Variants in RALGPS2 observed in about 807,000 individuals in gnomAD.
The protein encoded by RALGPS2 is ras-specific guanine nucleotide-releasing factor RalGPS2.
Under a neutral mutation model 86.8 loss-of-function variants are expected in RALGPS2, and 43 were observed. That is an observed-to-expected ratio of 0.50 (90% CI 0.39 to 0.64). RALGPS2 has a LOEUF of 0.64. Ranked by LOEUF, RALGPS2 falls within the 30% of genes least tolerant of loss-of-function variation. RALGPS2 has a pLI of 0.00. For synonymous variants in RALGPS2, 243 were observed against 231.3 expected (o/e 1.05, Z -0.46); for missense variants, 536 against 694.6 (o/e 0.77, Z 2.57).
At chr1:178,844,822 AAT>A (rs536017415) in intron 8 of RALGPS2, among the ~76,000 whole-genome samples, 234 of 152,296 alleles carry the variant, frequency 1.5e-3, no homozygotes, top group Non-Finnish European at 1.7e-3. Flanking sequence ...AATATTCTTT[AAT>A]GTGCTTTTTC....
chr1:178,746,859 G>A (rs1288329852), intron 1 of RALGPS2: 35 of 1,174,078 alleles, frequency 3.0e-5, no homozygotes, highest in African/African-American at 4.5e-5. Context: ...AGTCCTGTAC[G>A]TCAGTCACCT....
At chr1:178,742,554 A>G (rs1651095965) in intron 1 of RALGPS2, among the ~76,000 whole-genome samples, 1 of 152,242 alleles carries the variant, frequency 6.6e-6, no homozygotes, top group South Asian at 2.1e-4. Context: ...ACAAGCAGAC[A>G]GAAAATCATA....
At chr1:178,914,843 G>A (rs1322795657) in intron 19 of RALGPS2, among the ~76,000 whole-genome samples, 1 of 152,132 alleles carries the variant, frequency 6.6e-6, no homozygotes, top group Admixed American at 6.5e-5. Flanking sequence ...GTTAGTGTCT[G>A]GGGCAGAATG....
chr1:178,853,231 A>G, intron 8 of RALGPS2: 1 of 984,404 alleles, frequency 1.0e-6, no homozygotes, highest in Non-Finnish European at 1.2e-6. Context: ...ATTTATCCAT[A>G]GCTACTAAAA....
At chr1:178,810,547 A>G (rs761571929) in intron 5 of RALGPS2, among the ~76,000 whole-genome samples, 28 of 139,354 alleles carry the variant, frequency 2.0e-4, no homozygotes, top group Non-Finnish European at 3.7e-4. Context: ...TTTTTTTTTT[A>G]GGAGTAAACC....
intron 8 of RALGPS2, among the ~76,000 whole-genome samples, chr1:178,849,138 T>C (rs1657023860): frequency 6.6e-6 from 1 of 152,220 alleles, no homozygotes; most frequent in Non-Finnish European, 1.5e-5. Context: ...ATTCTTATTA[T>C]ACCCCATTTT....
intron 1 of RALGPS2, among the ~76,000 whole-genome samples, chr1:178,748,341 T>C (rs1275839790): frequency 6.6e-6 from 1 of 150,940 alleles, no homozygotes; most frequent in Non-Finnish European, 1.5e-5. Flanking sequence ...AAAAAGAAGT[T>C]AACGTACACC....
chr1:178,823,209 T>C (rs1266971106), intron 7 of RALGPS2, among the ~76,000 whole-genome samples: 1 of 152,238 alleles, frequency 6.6e-6, no homozygotes, highest in Non-Finnish European at 1.5e-5. Context: ...TTTCATTGCC[T>C]CCCTTATGTA....
intron 13 of RALGPS2, 129 bp from the exon 14 acceptor site, chr1:178,889,513 G>A (rs1019149919): frequency 1.5e-6 from 1 of 680,426 alleles, no homozygotes. Flanking sequence ...GAATTAATAT[G>A]TGGATATGTT....
chr1:178,750,503 T>A (rs1651591526), intron 1 of RALGPS2, among the ~76,000 whole-genome samples: 1 of 152,238 alleles, frequency 6.6e-6, no homozygotes, highest in South Asian at 2.1e-4. Context: ...GCTGCTGTGC[T>A]GTGTTTAATG....
intron 8 of RALGPS2, chr1:178,865,492 C>T: frequency 6.2e-7 from 1 of 1,614,100 alleles, no homozygotes. Context: ...TCTCCCGCTT[C>T]TGCCTGGAGA....
chr1:178,749,819 G>T (rs58564735), intron 1 of RALGPS2, among the ~76,000 whole-genome samples: 6,642 of 152,166 alleles, frequency 0.044, 253 homozygotes, highest in African/African-American at 0.1. Flanking sequence ...TTCTGGCTGG[G>T]TGTGGTGGCT....
chr1:178,884,396 T>C (rs1321281388), intron 11 of RALGPS2, among the ~76,000 whole-genome samples: 2 of 152,190 alleles, frequency 1.3e-5, no homozygotes, highest in Admixed American at 6.5e-5. Flanking sequence ...AGTACCTTTT[T>C]TAAAATTCCC....
intron 8 of RALGPS2, among the ~76,000 whole-genome samples, chr1:178,841,434 T>C: frequency 7.3e-6 from 1 of 137,680 alleles, no homozygotes; most frequent in Non-Finnish European, 1.6e-5. Context: ...GAAAAAGCCT[T>C]TGACAAAATT....
rs148354080 is a variant in RALGPS2, at chr1:178,832,205, G to C, written c.481-1219G>C. Among the ~76,000 whole-genome samples the C allele has an allele frequency of 7.4e-4, 112 of 152,264 alleles. 1 individual carries two copies. Among genetic ancestry groups the C allele is most frequent in the African/African-American group, 2.5e-3 (103 of 41,568 alleles). On this transcript the variant is annotated intron_variant, in intron 7 of 19. Coordinates refer to ENST00000367635, the MANE Select transcript of RALGPS2 (RefSeq NM_152663.5). ...AGTAAGAGAAAATTGTAAAACCGCT[G>C]TTTTAGACCATGGAATATCCATCTA...
At position 178,839,180 on chromosome 1, in the gene RALGPS2, C is replaced by T. The variant is rs549731870; in HGVS notation, c.607+5630C>T. ...CAGAGAATGCCACAAAGATACTCCTCGAGAAGAGCAACTCCAAGACACATA... is the reference window on the plus strand; with the variant it reads ...CAGAGAATGCCACAAAGATACTCCTTGAGAAGAGCAACTCCAAGACACATA... On this transcript the variant is annotated intron_variant, in intron 8 of 19. Transcript: ENST00000367635. Among the ~76,000 whole-genome samples, 285 of 152,206 alleles carry T rather than the reference C, an allele frequency of 1.9e-3. 4 individuals are homozygous for T. Among genetic ancestry groups the T allele is most frequent in the Non-Finnish European group, 2.0e-3 (136 of 68,014 alleles).
At position 178,918,498 on chromosome 1, in the gene RALGPS2, GT is replaced by G. The variant is rs1660882359; in HGVS notation, c.*2143del. 2 of 152,090 alleles carry G rather than the reference GT, an allele frequency of 1.3e-5. No individual in the cohort carries two copies. Among genetic ancestry groups the G allele is most frequent in the African/African-American group, 4.8e-5 (2 of 41,442 alleles). 9.4% of individuals were successfully genotyped at this position (152,090 alleles called of 1,614,324 possible). ...GGAAGTCAGAGCCTGACATCACATAGTTTTGCCAAAGGGAGAGAGCTAAGCT... is the reference window on the plus strand; with the variant it reads ...GGAAGTCAGAGCCTGACATCACATAGTTTGCCAAAGGGAGAGAGCTAAGCT... On this transcript the variant is annotated 3_prime_UTR_variant, in exon 20 of 20. Transcript: ENST00000367635.
chr1:178,726,913 A>G (rs1441209381), intron 1 of RALGPS2, among the ~76,000 whole-genome samples: 4 of 152,250 alleles, frequency 2.6e-5, no homozygotes, highest in African/African-American at 9.6e-5. Flanking sequence ...CAAGTGCTAT[A>G]GAATCATACA....
intron 8 of RALGPS2, among the ~76,000 whole-genome samples, chr1:178,862,825 A>G (rs994837221): frequency 7.9e-5 from 12 of 152,238 alleles, no homozygotes; most frequent in Admixed American, 7.8e-4. Context: ...GACTAAGCAA[A>G]TTGGACTTTT....
Sources: gnomAD v4.1 joint callset for allele counts (sites outside exome capture counted in the v4.1 genomes callset) on GRCh38, gnomAD v4.1.1 for gene constraint, MANE v1.5 for transcripts, NCBI Gene and HGNC (gene_info 2026-07-23, HGNC 2026-07-21) for gene names.